The following PCED1B variants were observed in gnomAD, a reference collection of about 807,000 sequenced individuals.
PCED1B encodes the protein PC-esterase domain containing 1B.
For synonymous variants in PCED1B, 251 were observed against 246.1 expected, an observed-to-expected ratio of 1.02 and a Z score of -0.19; for missense variants, 573 against 573.9, an observed-to-expected ratio of 1.00 and a Z score of 0.02.
intron 2 of PCED1B, among the ~76,000 whole-genome samples, chr12:47,215,451 A>T (rs1350499337): frequency 6.6e-6 from 1 of 151,882 alleles, no homozygotes; most frequent in African/African-American, 2.4e-5. Flanking sequence ...ACGGAGTTGC[A>T]CCATGTTGGC....
At chr12:47,129,411 C>T (rs1056485898) in intron 2 of PCED1B, among the ~76,000 whole-genome samples, 12 of 152,120 alleles carry the variant, frequency 7.9e-5, no homozygotes, top group Non-Finnish European at 1.6e-4. Context: ...ATCGCTTGAG[C>T]TCAGGAGGCA....
chr12:47,181,686 A>G (rs1482583764), intron 2 of PCED1B, among the ~76,000 whole-genome samples: 11 of 152,088 alleles, frequency 7.2e-5, no homozygotes. Context: ...TCTTTCTAAT[A>G]TATATTAGAA....
chr12:47,225,619 C>T (rs1943610946), intron 3 of PCED1B, among the ~76,000 whole-genome samples: 2 of 152,142 alleles, frequency 1.3e-5, no homozygotes, highest in African/African-American at 4.8e-5. Flanking sequence ...CCATCCATTC[C>T]ACTAAAATTT....
chr12:47,172,340 C>CTTTTTTTTTTTTTTTTTTTTTTGTT (rs34230051), intron 2 of PCED1B, among the ~76,000 whole-genome samples: 16 of 78,340 alleles, frequency 2.0e-4, no homozygotes, highest in East Asian at 1.2e-3. Context: ...TCGTGGGTTG[C>CTTTTTTTTTTTTTTTTTTTTTTGTT]TTTTTTTTTT....
intron 1 of PCED1B, among the ~76,000 whole-genome samples, chr12:47,096,217 G>T (rs997276930): frequency 1.3e-5 from 2 of 151,900 alleles, no homozygotes; most frequent in African/African-American, 4.8e-5. Flanking sequence ...CATACTTTTA[G>T]ATTTTTTAGG....
chr12:47,179,933 T>C (rs193270727), intron 2 of PCED1B, among the ~76,000 whole-genome samples: 62 of 152,276 alleles, frequency 4.1e-4, no homozygotes, highest in African/African-American at 1.5e-3. Context: ...AGCAGTTAAT[T>C]TTTTTCTTCA....
intron 2 of PCED1B, among the ~76,000 whole-genome samples, chr12:47,214,608 G>C (rs1188293289): frequency 6.6e-6 from 1 of 151,866 alleles, no homozygotes; most frequent in African/African-American, 2.4e-5. Context: ...ACGAGTTCAA[G>C]ACCAGCCTGG....
chr12:47,137,041 A>G (rs1325351140), intron 2 of PCED1B, among the ~76,000 whole-genome samples: 1 of 152,218 alleles, frequency 6.6e-6, no homozygotes, highest in Non-Finnish European at 1.5e-5. Flanking sequence ...AAAAGAACTC[A>G]TGAAGTATTT....
intron 2 of PCED1B, among the ~76,000 whole-genome samples, chr12:47,159,871 A>G (rs1432935221): frequency 6.6e-6 from 1 of 152,084 alleles, no homozygotes; most frequent in Non-Finnish European, 1.5e-5. Context: ...ATAGTTTCGG[A>G]TCTTATGTTT....
Position 47,236,418 on chromosome 12 carries a change from T to A in PCED1B, c.*56T>A. On this transcript the variant is annotated 3_prime_UTR_variant, in exon 4 of 4. Coordinates refer to ENST00000546455, the MANE Select transcript of PCED1B (RefSeq NM_138371.3). Reference sequence around the variant, plus strand: ...ACATGGATTGGACAGATCTGACACTTCCTTTCCATTGCTTGGCCTGAACAG... The same window carrying A: ...ACATGGATTGGACAGATCTGACACTACCTTTCCATTGCTTGGCCTGAACAG... 2 of 1,441,472 alleles carry A rather than the reference T, an allele frequency of 1.4e-6. No individual in the cohort carries two copies. Among genetic ancestry groups the A allele is most frequent in the Non-Finnish European group, 1.8e-6 (2 of 1,085,898 alleles). 89.3% of individuals were successfully genotyped at this position (1,441,472 alleles called of 1,614,324 possible).
chr12:47,231,357 C>T (rs1485178453), intron 3 of PCED1B, among the ~76,000 whole-genome samples: 5 of 151,834 alleles, frequency 3.3e-5, no homozygotes, highest in African/African-American at 1.2e-4. Flanking sequence ...GGGGTATAAG[C>T]TGGGGGTAGT....
intron 2 of PCED1B, among the ~76,000 whole-genome samples, chr12:47,131,769 A>G (rs1486012094): frequency 6.7e-6 from 1 of 150,270 alleles, no homozygotes; most frequent in Non-Finnish European, 1.5e-5. Context: ...CCCTGGTTCA[A>G]GCAATTCCCC....
At chr12:47,193,696 C>T (rs1457681559) in intron 2 of PCED1B, among the ~76,000 whole-genome samples, 4 of 152,136 alleles carry the variant, frequency 2.6e-5, no homozygotes, top group Non-Finnish European at 2.9e-5. Flanking sequence ...ATTTTCTCCC[C>T]GTGACATAAA....
chr12:47,095,757 A>G (rs1775523223), intron 1 of PCED1B, among the ~76,000 whole-genome samples: 2 of 152,206 alleles, frequency 1.3e-5, no homozygotes, highest in South Asian at 2.1e-4. Flanking sequence ...TAAAATATAC[A>G]TGTGATTTTT....
rs781007128 is a variant in PCED1B, at chr12:47,235,123, C to T, written c.60C>T (p.Ile20=). The change falls in exon 4 of 4, where the codon ATC becomes ATT. Residue 20 remains isoleucine, a synonymous_variant. Coordinates refer to ENST00000546455, the MANE Select transcript of PCED1B (RefSeq NM_138371.3). ...TGCTTCACAATAAGTTCGTGGTCAT[C>T]CTGGGGGACTCTGTGCATAGGGCAG... is the stretch of plus-strand genomic sequence containing the variant. The part of the protein sequence containing the change: ...RQLLHNKFVV[I]LGDSVHRAVY... 9 of 1,540,456 alleles carry T rather than the reference C, an allele frequency of 5.8e-6. No individual in the cohort carries two copies. Among genetic ancestry groups the T allele is most frequent in the East Asian group, 2.3e-5 (1 of 44,326 alleles).
chr12:47,210,759 T>G (rs1237287071), intron 2 of PCED1B: 1 of 152,052 alleles, frequency 6.6e-6, no homozygotes, highest in African/African-American at 2.4e-5. Context: ...AGCAACACTC[T>G]GTCTGAAAAA....
intron 2 of PCED1B, among the ~76,000 whole-genome samples, chr12:47,211,776 G>A (rs1455183353): frequency 6.6e-6 from 1 of 151,030 alleles, no homozygotes; most frequent in African/African-American, 2.4e-5. Flanking sequence ...TGGGCAACAA[G>A]GTAAAACCCA....
Position 47,132,006 on chromosome 12 carries a change from A to C in PCED1B, c.-526+27811A>C, listed in dbSNP as rs75504825. Among the ~76,000 whole-genome samples, 1,249 of 152,276 alleles carry C rather than the reference A, an allele frequency of 8.2e-3. 13 individuals carry two copies. Among genetic ancestry groups the C allele is most frequent in the African/African-American group, 0.028 (1,177 of 41,540 alleles). On this transcript the variant is annotated intron_variant, in intron 2 of 3. Transcript: ENST00000546455. ...TCTATTTAGTTATACTTACATAAAA[A>C]ATAGGGAAGTTGAAGTGAAAGGCAG... is the stretch of plus-strand genomic sequence containing the variant.
chr12:47,172,248 C>T (rs1200550941), intron 2 of PCED1B, among the ~76,000 whole-genome samples: 3 of 151,212 alleles, frequency 2.0e-5, no homozygotes. Flanking sequence ...ATACTTCTTC[C>T]AATTGTTCTT....
Sources: allele counts gnomAD v4.1 joint callset (sites outside exome capture counted in the v4.1 genomes callset), GRCh38; gene constraint gnomAD v4.1.1; transcripts MANE v1.5; gene names NCBI Gene and HGNC (gene_info 2026-07-23, HGNC 2026-07-21).